HTRA1: variants seen among roughly 807,000 people sequenced by gnomAD.
HTRA1 encodes the protein serine protease HTRA1.
In HTRA1, 26 loss-of-function variants were observed where a neutral mutation model predicts 49.7. The observed-to-expected ratio is 0.52, with a 90% CI of 0.38 to 0.73. HTRA1 has a LOEUF of 0.73. HTRA1 is among the 30% of genes least tolerant of loss of function. The probability of loss-of-function intolerance (pLI) is 0.00; values close to 1 mark genes in which losing one functional copy is unlikely to be tolerated. For missense variants in HTRA1, 561 were observed against 667.2 expected, an observed-to-expected ratio of 0.84 and a Z score of 1.75; for synonymous variants, 291 against 286.9, an observed-to-expected ratio of 1.01 and a Z score of -0.14.
rs201104074 is a variant in HTRA1 at position 122,506,430 on chromosome 10, C to T, written c.778-261C>T. On this transcript the variant is annotated intron_variant, in intron 3 of 8. Coordinates refer to ENST00000368984, the MANE Select transcript of HTRA1 (RefSeq NM_002775.5). This position sits in a 1 kb window ranked among gnomAD's most constrained non-coding sequence, Gnocchi z 5.2. ...GAGACCCCGACTTGGCCTCCAGTTACCTCCCCACGGTTTCCTTGGTGTGTG... is the reference window on the plus strand; with the variant it reads ...GAGACCCCGACTTGGCCTCCAGTTATCTCCCCACGGTTTCCTTGGTGTGTG... Among the ~76,000 whole-genome samples the T allele has an allele frequency of 3.9e-5, 6 of 152,256 alleles. No homozygotes were observed. In the East Asian group the frequency reaches 1.2e-3, roughly 29 times the overall value.
At position 122,506,671 on chromosome 10, in the gene HTRA1, G is replaced by C; in HGVS notation, c.778-20G>C. 6.2e-7 allele frequency: 1 copy of C among 1,607,932 alleles called. No homozygotes were observed. Among genetic ancestry groups the C allele is most frequent in the Non-Finnish European group, 8.5e-7 (1 of 1,178,122 alleles). On this transcript the variant is annotated intron_variant, in intron 3 of 8. Coordinates refer to ENST00000368984, the MANE Select transcript of HTRA1 (RefSeq NM_002775.5). This position sits in a 1 kb window ranked among gnomAD's most constrained non-coding sequence, Gnocchi z 5.2. ...GGTTAAATTAAACCAACTCAGCAAC[G>C]CCAGCCATTGTGGTTTCAGGGCAAG...
At chr10:122,501,545 C>G (rs1289458388) in intron 3 of HTRA1, among the ~76,000 whole-genome samples, 1 of 152,182 alleles carries the variant, frequency 6.6e-6, no homozygotes, top group Non-Finnish European at 1.5e-5. Context: ...TCCTTCCCTG[C>G]TGGCAGAGCC....
At chr10:122,495,888 G>A (rs1344423527) in intron 3 of HTRA1, among the ~76,000 whole-genome samples, 1 of 152,170 alleles carries the variant, frequency 6.6e-6, no homozygotes, top group Non-Finnish European at 1.5e-5. Flanking sequence ...GTCCAAAGCT[G>A]GCCCTCTGTT....
intron 1 of HTRA1, among the ~76,000 whole-genome samples, chr10:122,470,573 T>A (rs2097485692): frequency 6.6e-6 from 1 of 152,050 alleles, no homozygotes; most frequent in African/African-American, 2.4e-5. Context: ...CTAGGAATCC[T>A]AAAGCATTGA....
At chr10:122,507,479 T>TTTGTTTG (rs2097503578) in intron 5 of HTRA1, 77 bp downstream of exon 5, 1 of 406,160 alleles carries the variant, frequency 2.5e-6, no homozygotes, top group Non-Finnish European at 4.0e-6. Flanking sequence ...TTGTTTGTTG[T>TTTGTTTG]TTGTTTGTTT....
At chr10:122,501,901 T>C (rs182465423) in intron 3 of HTRA1, among the ~76,000 whole-genome samples, 41 of 150,730 alleles carry the variant, frequency 2.7e-4, no homozygotes, top group Non-Finnish European at 4.6e-4. Flanking sequence ...AGCCTTTGAG[T>C]TATCAGCCTG....
Position 122,472,781 on chromosome 10 carries a change from TAAAC to T in HTRA1, c.472+10660_472+10663del, listed in dbSNP as rs2097486732. Among the ~76,000 whole-genome samples, 3 of 152,210 alleles carry T rather than the reference TAAAC, an allele frequency of 2.0e-5. No homozygotes were observed. In the South Asian group the frequency reaches 6.2e-4, roughly 32 times the overall value. On this transcript the variant is annotated intron_variant, in intron 1 of 8. Transcript: ENST00000368984. The stretch of plus-strand genomic sequence containing the variant: ...TCCATTTGGGCCAAGGTTGCAATGT[TAAAC>T]AATCCTGAGATGGACATTTTCATGT...
At chr10:122,493,999 G>T (rs910192525) in intron 3 of HTRA1, among the ~76,000 whole-genome samples, 1 of 152,012 alleles carries the variant, frequency 6.6e-6, no homozygotes, top group African/African-American at 2.4e-5. Flanking sequence ...TGTCCTTCAG[G>T]CCTCTGATTA....
At chr10:122,500,972 G>A (rs915937381) in intron 3 of HTRA1, among the ~76,000 whole-genome samples, 3 of 152,208 alleles carry the variant, frequency 2.0e-5, no homozygotes, top group Non-Finnish European at 4.4e-5. Flanking sequence ...CGGGGCACAA[G>A]GGCAGCTGTT....
In HTRA1 at chr10:122,489,551, C is replaced by T. The variant is rs376105140; in HGVS notation, c.702C>T (p.Asn234=). ...NKHRVKVELK[N]GATYEAKIKD... ...ACCGGGTCAAAGTTGAGCTGAAGAA[C>T]GGTGCCACTTACGAAGCCAAAATCA... is the stretch of plus-strand genomic sequence containing the variant. The change falls in exon 3 of 9, where the codon AAC becomes AAT. Residue 234 remains asparagine, a synonymous_variant. Transcript: ENST00000368984. The T allele has an allele frequency of 1.1e-5, 18 of 1,614,042 alleles. No homozygotes were observed. Among genetic ancestry groups the T allele is most frequent in the African/African-American group, 6.7e-5 (5 of 74,906 alleles).
chr10:122,462,240 A>G (rs1394133209), intron 1 of HTRA1, 116 bp downstream of exon 1: 17 of 919,700 alleles, frequency 1.8e-5, no homozygotes, highest in Non-Finnish European at 2.7e-5. Context: ...TGGCCAGGGC[A>G]ACTCTCGGGG....
At chr10:122,463,833 C>T (rs1245230649) in intron 1 of HTRA1, among the ~76,000 whole-genome samples, 1 of 152,168 alleles carries the variant, frequency 6.6e-6, no homozygotes, top group Non-Finnish European at 1.5e-5. Context: ...GTGGGCTGGA[C>T]GTGCATCCCC....
In HTRA1 at chr10:122,464,634, G is replaced by A. The variant is rs925034975; in HGVS notation, c.472+2510G>A. ...TTAGTGGAAGGCACTGCTTTGCTGCGCCCCCTCTCTGGATCTCACACTCCA... is the reference window on the plus strand; with the variant it reads ...TTAGTGGAAGGCACTGCTTTGCTGCACCCCCTCTCTGGATCTCACACTCCA... On this transcript the variant is annotated intron_variant, in intron 1 of 8. Transcript: ENST00000368984. The surrounding 1 kb of genome is among the most constrained non-coding windows in gnomAD (Gnocchi z 4.8). Among the ~76,000 whole-genome samples, 5 of 152,120 alleles carry A rather than the reference G, an allele frequency of 3.3e-5. No individual in the cohort carries two copies. The highest frequency in any genetic ancestry group is 2.1e-4 in the South Asian group (1 of 4,830).
At chr10:122,465,250 G>A (rs2097483328) in intron 1 of HTRA1, among the ~76,000 whole-genome samples, 2 of 152,196 alleles carry the variant, frequency 1.3e-5, no homozygotes, top group Admixed American at 1.3e-4. Context: ...AATTCAGCTA[G>A]AGAACAAAGA....
At chr10:122,466,455 C>T (rs2097483824) in intron 1 of HTRA1, among the ~76,000 whole-genome samples, 1 of 152,216 alleles carries the variant, frequency 6.6e-6, no homozygotes, top group Non-Finnish European at 1.5e-5. Flanking sequence ...GAGTGAGCCA[C>T]TGCACCCGTG....
In HTRA1 at chr10:122,490,082, C is replaced by T. The variant is rs1565422898; in HGVS notation, c.777+456C>T. ...TACTTTGAAAACAAACCAGCTCTCC[C>T]AAATTGGGGTTTTGCGGGGTTATGA... On this transcript the variant is annotated intron_variant, in intron 3 of 8. Transcript: ENST00000368984. This position sits in a 1 kb window ranked among gnomAD's most constrained non-coding sequence, Gnocchi z 4.2. 6.6e-6 allele frequency among the ~76,000 whole-genome samples: 1 copy of T among 152,156 alleles called. No individual in the cohort carries two copies. Among genetic ancestry groups the T allele is most frequent in the Admixed American group, 6.5e-5 (1 of 15,284 alleles).
Position 122,469,024 on chromosome 10 carries a change from G to A in HTRA1, c.472+6900G>A, listed in dbSNP as rs184601548. 5.3e-5 allele frequency among the ~76,000 whole-genome samples: 8 copies of A among 152,196 alleles called. No individual in the cohort carries two copies. The East Asian group carries it at 1.4e-3, about 26-fold the overall frequency. On this transcript the variant is annotated intron_variant, in intron 1 of 8. Transcript: ENST00000368984. The stretch of plus-strand genomic sequence containing the variant: ...ATCCCGTGACAGCAGCTGGTCCCTC[G>A]CCACAGGATAATTATGTCTCCTTGT...
At chr10:122,469,252 G>A (rs1183734493) in intron 1 of HTRA1, among the ~76,000 whole-genome samples, 1 of 152,028 alleles carries the variant, frequency 6.6e-6, no homozygotes. Context: ...GATGAGATTC[G>A]CCGTAGAATT....
At position 122,468,748 on chromosome 10, in the gene HTRA1, C is replaced by T. The variant is rs556484906; in HGVS notation, c.472+6624C>T. Among the ~76,000 whole-genome samples, 15 of 152,314 alleles carry T rather than the reference C, an allele frequency of 9.8e-5. 1 individual carries two copies. The South Asian group carries it at 3.1e-3, about 32-fold the overall frequency. ...CATGTCTGGACTGCCTGGGATTTTA[C>T]AGATGTCATCTCGTTAACTCTCCCT... On this transcript the variant is annotated intron_variant, in intron 1 of 8. Transcript: ENST00000368984.
Sources: allele counts gnomAD v4.1 joint callset (sites outside exome capture counted in the v4.1 genomes callset), GRCh38; gene constraint gnomAD v4.1.1; non-coding constraint Gnocchi (gnomAD v3.1); transcripts MANE v1.5; gene names NCBI Gene and HGNC (gene_info 2026-07-23, HGNC 2026-07-21).